P4HB: variants seen among roughly 807,000 people sequenced by gnomAD.
P4HB encodes the protein prolyl 4-hydroxylase subunit beta, also known as protein disulfide-isomerase.
P4HB carries 20 observed loss-of-function variants against 52.6 expected under a neutral mutation model. The ratio of observed to expected loss-of-function variants is 0.38; its 90% CI spans 0.27 to 0.55. The LOEUF is 0.55. P4HB is among the 20% of genes least tolerant of loss of function. P4HB has a pLI of 0.74. For synonymous variants in P4HB, 296 were observed against 277.9 expected (o/e 1.07, Z -0.65); for missense variants, 601 against 669.2 (o/e 0.90, Z 1.12).
chr17:81,845,341 C>T (rs925430610), intron 9 of P4HB, 111 bp from the exon 10 acceptor site: 12 of 969,328 alleles, frequency 1.2e-5, no homozygotes, highest in Non-Finnish European at 1.9e-5. Flanking sequence ...CGGTGGCTCA[C>T]ACCCGGAATC....
intron 2 of P4HB, among the ~76,000 whole-genome samples, chr17:81,856,957 A>AT (rs1358719828): frequency 6.6e-6 from 1 of 151,022 alleles, no homozygotes; most frequent in African/African-American, 2.4e-5. Flanking sequence ...CAATTTTTCT[A>AT]TTTTTTGTAG....
At chr17:81,853,590 A>G (rs897662085) in intron 4 of P4HB, among the ~76,000 whole-genome samples, 1 of 151,922 alleles carries the variant, frequency 6.6e-6, no homozygotes, top group Non-Finnish European at 1.5e-5. Context: ...AGAAAAAGAA[A>G]AAAAAAAAGA....
At chr17:81,854,845 A>T (rs2041380013) in intron 4 of P4HB, among the ~76,000 whole-genome samples, 1 of 152,190 alleles carries the variant, frequency 6.6e-6, no homozygotes, top group African/African-American at 2.4e-5. Flanking sequence ...CTCCCAAAAA[A>T]AAAAAAAGGG....
At chr17:81,847,905 C>CTTTTTTT (rs1193629056) in intron 4 of P4HB, 2 of 123,112 alleles carry the variant, frequency 1.6e-5, no homozygotes, top group African/African-American at 3.1e-5. Flanking sequence ...AGGTCTTGAT[C>CTTTTTTT]TTTTTTTTTT....
chr17:81,849,608 T>C (rs888104956), intron 4 of P4HB, among the ~76,000 whole-genome samples: 7 of 152,306 alleles, frequency 4.6e-5, no homozygotes, highest in African/African-American at 7.2e-5. Context: ...TGTAAGGCCC[T>C]GGGGACCCCT....
At chr17:81,853,097 C>T (rs752751577) in intron 4 of P4HB, among the ~76,000 whole-genome samples, 30 of 152,194 alleles carry the variant, frequency 2.0e-4, no homozygotes, top group African/African-American at 4.8e-5. Flanking sequence ...AAGAGAATGT[C>T]TCCTGGTAAA....
At position 81,845,981 on chromosome 17, in the gene P4HB, A is replaced by G; in HGVS notation, c.1067T>C (p.Met356Thr). ...CCAGTCCTCCGGCAGCTCCTGGCTC[A>G]TCAGGTGGGGCTGGAGGGCAGGCAG... ...FLEGKIKPHL[M>T]SQELPEDWDK... is the part of the protein sequence containing the mutation. Residue 356 changes from methionine to threonine, a missense_variant, in exon 8 of 11, where the codon ATG (methionine) becomes ACG (threonine). Physicochemically the swap from Met to Thr is moderately conservative, Grantham distance 81. Transcript: ENST00000331483. 6.2e-7 allele frequency: 1 copy of G among 1,609,862 alleles called. No individual in the cohort carries two copies. Among genetic ancestry groups the G allele is most frequent in the Non-Finnish European group, 8.5e-7 (1 of 1,177,638 alleles).
At chr17:81,848,617 T>C (rs1202849108) in intron 4 of P4HB, among the ~76,000 whole-genome samples, 1 of 150,284 alleles carries the variant, frequency 6.7e-6, no homozygotes, top group East Asian at 2.0e-4. Context: ...GCACCTGTAA[T>C]CCCAGGTACT....
rs2038734510 is a variant in P4HB at position 81,846,310 on chromosome 17, C to G, written c.1056+119G>C. 1 of 953,850 alleles carries G rather than the reference C, an allele frequency of 1.0e-6. No individual in the cohort carries two copies. The highest frequency in any genetic ancestry group is 1.9e-5 in the Admixed American group (1 of 52,110). The allele number at this position is 953,850 out of a possible 1,614,324, so 59.1% of individuals were successfully genotyped here. ...GGTGGTCTTCACACCATCTTGGGCT[C>G]CGTCCTCTTACTCTGAAGATCTTAC... On this transcript the variant is annotated intron_variant, in intron 7 of 10. Transcript: ENST00000331483. The surrounding 1 kb of genome is among the most constrained non-coding windows in gnomAD (Gnocchi z 5.7).
intron 10 of P4HB, 98 bp downstream of exon 10, chr17:81,845,046 G>T: frequency 9.9e-7 from 1 of 1,010,336 alleles, no homozygotes; most frequent in South Asian, 1.4e-5. Flanking sequence ...TGCCTCCAAT[G>T]GCACCATTCC....
chr17:81,846,897 T>G lies in P4HB; in HGVS notation c.855+50A>C. 1 of 1,609,414 alleles carries G rather than the reference T, an allele frequency of 6.2e-7. No homozygotes were observed. Among genetic ancestry groups the G allele is most frequent in the Non-Finnish European group, 8.5e-7 (1 of 1,177,852 alleles). On this transcript the variant is annotated intron_variant, in intron 6 of 10. Transcript: ENST00000331483. This position sits in a 1 kb window ranked among gnomAD's most constrained non-coding sequence, Gnocchi z 5.7. ...CCACACTTGTCACCTCGGGAAGAGT[T>G]GTACTGCTCCCTGGCACCGCCCCAC...
At chr17:81,851,869 C>T (rs2038836976) in intron 4 of P4HB, among the ~76,000 whole-genome samples, 2 of 152,336 alleles carry the variant, frequency 1.3e-5, no homozygotes, top group Non-Finnish European at 2.9e-5. Flanking sequence ...TGCCAGGCCA[C>T]GGTGACAAAC....
chr17:81,844,578 T>G (rs1470211156), intron 10 of P4HB, among the ~76,000 whole-genome samples: 1 of 151,848 alleles, frequency 6.6e-6, no homozygotes, highest in Admixed American at 6.6e-5. Context: ...CTGGGCAGAG[T>G]ATTCCCACCT....
At position 81,843,166 on chromosome 17, in the gene P4HB, T is replaced by C. The variant is rs2038679594; in HGVS notation, c.*846A>G. 1 of 209,606 alleles carries C rather than the reference T, an allele frequency of 4.8e-6. No homozygotes were observed. The highest frequency in any genetic ancestry group is 9.4e-6 in the Non-Finnish European group (1 of 106,176). 13.0% of individuals were successfully genotyped at this position (209,606 alleles called of 1,614,324 possible). On this transcript the variant is annotated 3_prime_UTR_variant, in exon 11 of 11. Transcript: ENST00000331483. ...ATAAACCCGAGGCAAGGACAGGTGG[T>C]AAAATTTCAACTTTATTTGGCCAAT... is the stretch of plus-strand genomic sequence containing the variant.
chr17:81,860,096 AG>A, intron 1 of P4HB: 1 of 391,252 alleles, frequency 2.6e-6, no homozygotes, highest in Non-Finnish European at 4.5e-6. Context: ...TCGCACTAAC[AG>A]GAAGATCCTG....
intron 2 of P4HB, among the ~76,000 whole-genome samples, chr17:81,857,632 A>C (rs1300345401): frequency 1.3e-5 from 2 of 152,110 alleles, no homozygotes; most frequent in Non-Finnish European, 1.5e-5. Context: ...CTCCTAACTT[A>C]TCCCAGGCGT....
At chr17:81,859,144 C>T (rs764065886) in intron 2 of P4HB, 37 bp downstream of exon 2, 3 of 1,595,218 alleles carry the variant, frequency 1.9e-6, no homozygotes, top group East Asian at 2.2e-5. Flanking sequence ...GCCAGTCCCT[C>T]TCTAAAGACA....
At position 81,845,159 on chromosome 17, in the gene P4HB, C is replaced by T; in HGVS notation, c.1431G>A (p.Gly477=). ...CCCCACTCACGTCATCATCCCCTGC[C>T]CCATCCTGGCCACCGCTCTCCAGGA... ...KKFLESGGQD[G]AGDDDDLEDL... is the part of the protein sequence containing the mutation. Residue 477 remains glycine (G), a synonymous_variant, in exon 10 of 11, where the codon GGG becomes GGA. Coordinates refer to ENST00000331483, the MANE Select transcript of P4HB (RefSeq NM_000918.4). 6.2e-7 allele frequency: 1 copy of T among 1,613,330 alleles called. No individual in the cohort carries two copies. Among genetic ancestry groups the T allele is most frequent in the African/African-American group, 1.3e-5 (1 of 75,046 alleles).
intron 4 of P4HB, among the ~76,000 whole-genome samples, chr17:81,851,191 A>G (rs955381748): frequency 3.9e-5 from 6 of 152,152 alleles, no homozygotes; most frequent in African/African-American, 9.7e-5. Flanking sequence ...CAGCCTCCCA[A>G]AGTGCTGGGA....
Sources: gnomAD v4.1 joint callset for allele counts (sites outside exome capture counted in the v4.1 genomes callset) on GRCh38, gnomAD v4.1.1 for gene constraint, Gnocchi (gnomAD v3.1) non-coding constraint, MANE v1.5 for transcripts, NCBI Gene and HGNC (gene_info 2026-07-23, HGNC 2026-07-21) for gene names.